ALCAM: variants seen among roughly 807,000 people sequenced by gnomAD.
ALCAM encodes CD166 antigen.
ALCAM carries 30 observed loss-of-function variants against 70.9 expected under a neutral mutation model. The ratio of observed to expected loss-of-function variants is 0.42; its 90% CI spans 0.32 to 0.57. ALCAM has a LOEUF of 0.57. ALCAM is among the 20% of genes least tolerant of loss of function. The pLI, the probability that ALCAM is intolerant of heterozygous loss-of-function variation, is 0.11. For synonymous variants in ALCAM, 249 were observed against 242.5 expected (o/e 1.03, Z -0.25); for missense variants, 591 against 695.1 (o/e 0.85, Z 1.68).
intron 1 of ALCAM, among the ~76,000 whole-genome samples, chr3:105,384,418 T>C (rs1935599104): frequency 6.6e-6 from 1 of 151,562 alleles, no homozygotes; most frequent in African/African-American, 2.4e-5. Flanking sequence ...GTCCTTTTTT[T>C]ATAAGCTTTG....
chr3:105,547,097 A>G, intron 9 of ALCAM, 52 bp from the exon 10 acceptor site: 2 of 1,432,444 alleles, frequency 1.4e-6, no homozygotes, highest in Non-Finnish European at 9.3e-7. Context: ...TAATAAATAC[A>G]CTGAGAATTT....
chr3:105,453,983 G>A (rs909154940), intron 1 of ALCAM, among the ~76,000 whole-genome samples: 1 of 152,050 alleles, frequency 6.6e-6, no homozygotes. Flanking sequence ...AATTCTATAT[G>A]TTTATTATTT....
At chr3:105,554,366 C>T (rs1177506840) in intron 14 of ALCAM, among the ~76,000 whole-genome samples, 4 of 151,814 alleles carry the variant, frequency 2.6e-5, no homozygotes, top group Admixed American at 2.6e-4. Context: ...TAAGAAGTTC[C>T]CTCTTACTAA....
chr3:105,517,540 A>G (rs1939415700), intron 1 of ALCAM, among the ~76,000 whole-genome samples: 1 of 152,154 alleles, frequency 6.6e-6, no homozygotes, highest in Non-Finnish European at 1.5e-5. Flanking sequence ...GGTCATCACA[A>G]GTGAAGAAAG....
intron 1 of ALCAM, among the ~76,000 whole-genome samples, chr3:105,500,234 G>A (rs1439848873): frequency 2.0e-5 from 3 of 151,864 alleles, no homozygotes; most frequent in African/African-American, 2.4e-5. Flanking sequence ...ATACGACAAA[G>A]AATGATGAAC....
At chr3:105,448,126 T>TAA (rs1327005058) in intron 1 of ALCAM, among the ~76,000 whole-genome samples, 1 of 152,190 alleles carries the variant, frequency 6.6e-6, no homozygotes, top group African/African-American at 2.4e-5. Flanking sequence ...ATTAGCTACT[T>TAA]AAAGTTCATC....
intron 1 of ALCAM, among the ~76,000 whole-genome samples, chr3:105,504,169 C>G (rs1453235087): frequency 1.3e-5 from 2 of 152,184 alleles, no homozygotes; most frequent in African/African-American, 4.8e-5. Flanking sequence ...GGTAGTGGCT[C>G]GCTTCTTCAG....
At position 105,563,667 on chromosome 3, in the gene ALCAM, C is replaced by CTTTTTTTTTTTTTTTTTTTTTT. The variant is rs749625480; in HGVS notation, c.1665-8175_1665-8154dup. ...GACCTGTATGAAATTCCAAGCATTT[C>CTTTTTTTTTTTTTTTTTTTTTT]TTTTTTTTTTTTTTTTTTTTTTTTT... is the stretch of plus-strand genomic sequence containing the variant. On this transcript the variant is annotated intron_variant, in intron 14 of 15. Coordinates refer to ENST00000306107, the MANE Select transcript of ALCAM (RefSeq NM_001627.4). Among the ~76,000 whole-genome samples the CTTTTTTTTTTTTTTTTTTTTTT allele has an allele frequency of 5.8e-5, 3 of 52,046 alleles. 1 individual carries two copies. The highest frequency in any genetic ancestry group is 9.1e-5 in the Non-Finnish European group (3 of 32,788). 34.1% of individuals were successfully genotyped at this position (52,046 alleles called of 152,430 possible). A position where few individuals can be genotyped will look rare whatever the true frequency, so the allele number is the denominator to read the frequency against.
In ALCAM at chr3:105,550,425, C is replaced by T. The variant is rs1290218966; in HGVS notation, c.1507+166C>T. On this transcript the variant is annotated intron_variant, in intron 12 of 15. Coordinates refer to ENST00000306107, the MANE Select transcript of ALCAM (RefSeq NM_001627.4). Reference sequence around the variant, plus strand: ...AAGGTTATTTTTTCTTTTTTCCTGTCCATTCTTGTACTATCCTTGTCTTGA... The same window carrying T: ...AAGGTTATTTTTTCTTTTTTCCTGTTCATTCTTGTACTATCCTTGTCTTGA... Among the ~76,000 whole-genome samples the T allele has an allele frequency of 2.6e-5, 4 of 151,316 alleles. No individual in the cohort carries two copies. The East Asian group carries it at 5.8e-4, about 22-fold the overall frequency.
At chr3:105,434,624 G>A (rs1471895789) in intron 1 of ALCAM, among the ~76,000 whole-genome samples, 1 of 151,934 alleles carries the variant, frequency 6.6e-6, no homozygotes, top group African/African-American at 2.4e-5. Context: ...TCATAGACCT[G>A]TTCTTACTGG....
chr3:105,516,924 C>T (rs114171179), intron 1 of ALCAM, among the ~76,000 whole-genome samples: 2 of 152,168 alleles, frequency 1.3e-5, no homozygotes, highest in African/African-American at 4.8e-5. Flanking sequence ...ACAAATATTA[C>T]AGGGAGAAAA....
chr3:105,405,715 A>G (rs1241054480), intron 1 of ALCAM, among the ~76,000 whole-genome samples: 1 of 152,224 alleles, frequency 6.6e-6, no homozygotes, highest in East Asian at 1.9e-4. Flanking sequence ...CTCTCAGACC[A>G]CAGTGGAGTA....
At chr3:105,527,747 TATG>T (rs532485598) in intron 3 of ALCAM, among the ~76,000 whole-genome samples, 21 of 152,190 alleles carry the variant, frequency 1.4e-4, no homozygotes, top group African/African-American at 4.3e-4. Flanking sequence ...GACCAGGTCT[TATG>T]ATGATGATAG....
At chr3:105,542,950 A>G (rs1281027621) in intron 8 of ALCAM, among the ~76,000 whole-genome samples, 2 of 151,804 alleles carry the variant, frequency 1.3e-5, no homozygotes, top group African/African-American at 2.4e-5. Context: ...AGCTTCCAGT[A>G]TAACAATATT....
chr3:105,561,501 A>G (rs1392770405), intron 14 of ALCAM, among the ~76,000 whole-genome samples: 7 of 152,108 alleles, frequency 4.6e-5, no homozygotes, highest in Non-Finnish European at 1.0e-4. Context: ...GTACGATGTT[A>G]GCTGTATGTC....
rs147104416 is a variant in ALCAM at position 105,391,004 on chromosome 3, A to G, written c.73+23523A>G. ...GCTGTTTTGCTTACTGTAGCCTTGT[A>G]GTGTAGTTTGAAGTCAAGCAGCATG... On this transcript the variant is annotated intron_variant, in intron 1 of 15. Transcript: ENST00000306107. Among the ~76,000 whole-genome samples the G allele has an allele frequency of 3.6e-3, 542 of 152,098 alleles. 5 individuals are homozygous for G. The highest frequency in any genetic ancestry group is 0.027 in the Middle Eastern group (8 of 294).
At chr3:105,377,563 G>A (rs1407804586) in intron 1 of ALCAM, among the ~76,000 whole-genome samples, 1 of 151,920 alleles carries the variant, frequency 6.6e-6, no homozygotes, top group Non-Finnish European at 1.5e-5. Context: ...AAGCTTATTG[G>A]AAAAGTTAGA....
At position 105,544,728 on chromosome 3, in the gene ALCAM, G is replaced by A. The variant is rs188738821; in HGVS notation, c.992-495G>A. 11 of 165,550 alleles carry A rather than the reference G, an allele frequency of 6.6e-5. No homozygotes were observed. The South Asian group carries it at 1.6e-3, about 24-fold the overall frequency. 10.3% of individuals were successfully genotyped at this position (165,550 alleles called of 1,614,324 possible). On this transcript the variant is annotated intron_variant, in intron 8 of 15. Transcript: ENST00000306107. ...CATCAACTGGATGAGAAATGGAATA[G>A]CACTTTTTAAAAATATCTGCTGCTA...
At chr3:105,562,827 C>CA (rs1279873144) in intron 14 of ALCAM, among the ~76,000 whole-genome samples, 1 of 148,926 alleles carries the variant, frequency 6.7e-6, no homozygotes, top group Admixed American at 6.6e-5. Context: ...CTGTTTAAGA[C>CA]AGAGTTTCAC....
Sources: allele counts gnomAD v4.1 joint callset (sites outside exome capture counted in the v4.1 genomes callset), GRCh38; gene constraint gnomAD v4.1.1; transcripts MANE v1.5; gene names NCBI Gene and HGNC (gene_info 2026-07-23, HGNC 2026-07-21).